The following RCBTB2 variants were observed in gnomAD, a reference collection of about 807,000 sequenced individuals.
RCBTB2 encodes the protein RCC1 and BTB domain containing protein 2.
In RCBTB2, 55 loss-of-function variants were observed where a neutral mutation model predicts 65.4. The observed-to-expected ratio is 0.84, with a 90% CI of 0.68 to 1.05. The LOEUF is 1.05. Among genes scored for constraint, RCBTB2 ranks in the 50% least tolerant of loss-of-function variants. The probability of loss-of-function intolerance (pLI) is 0.00; values close to 1 mark genes in which losing one functional copy is unlikely to be tolerated. For synonymous variants in RCBTB2, 220 were observed against 255.2 expected, an observed-to-expected ratio of 0.86 and a Z score of 1.31; for missense variants, 599 against 680.1, an observed-to-expected ratio of 0.88 and a Z score of 1.33.
At chr13:48,513,024 C>A in intron 6 of RCBTB2, 129 bp from the exon 7 acceptor site, 1 of 664,196 alleles carries the variant, frequency 1.5e-6, no homozygotes, top group African/African-American at 1.8e-5. Flanking sequence ...CTTCCCCATT[C>A]CACCAAAGTC....
At chr13:48,529,904 T>C (rs1229158259) in intron 1 of RCBTB2, among the ~76,000 whole-genome samples, 1 of 152,188 alleles carries the variant, frequency 6.6e-6, no homozygotes, top group Non-Finnish European at 1.5e-5. Flanking sequence ...TATTTATTTA[T>C]TTATGAGATG....
At chr13:48,495,749 CA>C (rs1445768170) in intron 14 of RCBTB2, among the ~76,000 whole-genome samples, 17 of 152,320 alleles carry the variant, frequency 1.1e-4, no homozygotes, top group South Asian at 6.2e-4. Context: ...CCTGCTTTGA[CA>C]GGTGAAAAGT....
intron 4 of RCBTB2, among the ~76,000 whole-genome samples, chr13:48,518,458 C>CAAA (rs58455074): frequency 3.0e-5 from 3 of 98,420 alleles, no homozygotes; most frequent in African/African-American, 1.1e-4. Context: ...GAGTACTTTG[C>CAAA]AAAAAAAAAA....
chr13:48,496,602 G>A (rs1291640853), intron 13 of RCBTB2, among the ~76,000 whole-genome samples: 1 of 151,436 alleles, frequency 6.6e-6, no homozygotes, highest in Non-Finnish European at 1.5e-5. Context: ...AAGCATGTGC[G>A]CCTTGAATGA....
At chr13:48,504,565 C>A (rs1950396681) in intron 10 of RCBTB2, among the ~76,000 whole-genome samples, 1 of 152,234 alleles carries the variant, frequency 6.6e-6, no homozygotes, top group Non-Finnish European at 1.5e-5. Context: ...CCTGTCCACA[C>A]CATTCCAGCC....
intron 10 of RCBTB2, among the ~76,000 whole-genome samples, chr13:48,503,544 A>AT (rs67880636): frequency 0.22 from 32,935 of 148,432 alleles, 3,679 homozygotes; most frequent in South Asian, 0.27. Context: ...TCTCAGAACA[A>AT]TTTTTTTTTT....
At chr13:48,510,562 T>C in intron 10 of RCBTB2, 67 bp downstream of exon 10, 7 of 1,510,240 alleles carry the variant, frequency 4.6e-6, no homozygotes, top group Non-Finnish European at 6.4e-6. Flanking sequence ...ATTCTCTATA[T>C]ATCTAAGTCC....
At chr13:48,534,192 T>A (rs1952319637), upstream of RCBTB2, among the ~76,000 whole-genome samples, 1 of 152,222 alleles carries the variant, frequency 6.6e-6, no homozygotes, top group Non-Finnish European at 1.5e-5. Context: ...TAACAGGAAG[T>A]TGCAGCGATA....
rs147261845 is a variant in RCBTB2, at chr13:48,490,138, T to C, written c.1629A>G (p.Ala543=). The C allele has an allele frequency of 1.2e-6, 2 of 1,614,034 alleles. No individual in the cohort carries two copies. Among genetic ancestry groups the C allele is most frequent in the Admixed American group, 1.7e-5 (1 of 60,002 alleles). Residue 543 remains alanine, a synonymous_variant, in exon 15 of 15, where the codon GCA becomes GCG. Coordinates refer to ENST00000344532, the MANE Select transcript of RCBTB2 (RefSeq NM_001268.4). ...HDLLKNFISK[A]SRVGAFKN Reference sequence around the variant, plus strand: ...AATTTTTAAAGGCTCCAACTCTGCTTGCTTTGCTGATAAAGTTCTTCAGGA... The same window carrying C: ...AATTTTTAAAGGCTCCAACTCTGCTCGCTTTGCTGATAAAGTTCTTCAGGA...
At chr13:48,514,020 G>C (rs1409691403) in intron 6 of RCBTB2, among the ~76,000 whole-genome samples, 1 of 152,168 alleles carries the variant, frequency 6.6e-6, no homozygotes, top group Non-Finnish European at 1.5e-5. Context: ...AAAATGTACT[G>C]TTCACAATGT....
chr13:48,491,325 T>C (rs1273514484), intron 14 of RCBTB2, among the ~76,000 whole-genome samples: 2 of 152,158 alleles, frequency 1.3e-5, no homozygotes, highest in East Asian at 1.9e-4. Flanking sequence ...AGAAAGAAAC[T>C]ATACTAGGAA....
intron 4 of RCBTB2, 76 bp from the exon 5 acceptor site, chr13:48,515,817 A>T: frequency 7.0e-7 from 1 of 1,424,758 alleles, no homozygotes; most frequent in Non-Finnish European, 9.6e-7. Flanking sequence ...TCTGTAGAAG[A>T]GGGCGAACAC....
intron 4 of RCBTB2, among the ~76,000 whole-genome samples, chr13:48,519,810 T>G (rs1951318560): frequency 6.6e-6 from 1 of 152,228 alleles, no homozygotes; most frequent in African/African-American, 2.4e-5. Context: ...ATTTTTAAGT[T>G]TGTTAGGGCA....
chr13:48,496,140 C>T, intron 14 of RCBTB2, 51 bp downstream of exon 14: 1 of 1,408,764 alleles, frequency 7.1e-7, no homozygotes, highest in Non-Finnish European at 9.3e-7. Context: ...AGGCAGACAC[C>T]TGGGTTCCAT....
chr13:48,532,911 G>T (rs938582625), intron 1 of RCBTB2, 117 bp downstream of exon 1: 7 of 446,082 alleles, frequency 1.6e-5, no homozygotes, highest in African/African-American at 6.1e-5. Context: ...TGTCTCTGGC[G>T]GGGAGGTCGG....
intron 13 of RCBTB2, 112 bp from the exon 14 acceptor site, chr13:48,496,433 T>C (rs1949974404): frequency 2.7e-6 from 3 of 1,114,452 alleles, no homozygotes; most frequent in African/African-American, 3.2e-5. Context: ...TAATCCTCAG[T>C]GAAGCACTGC....
chr13:48,499,553 G>A, intron 13 of RCBTB2, 68 bp downstream of exon 13: 1 of 1,524,972 alleles, frequency 6.6e-7, no homozygotes, highest in South Asian at 1.2e-5. Context: ...TTTCTTTTAG[G>A]TTCTATAGAA....
intron 4 of RCBTB2, among the ~76,000 whole-genome samples, chr13:48,521,513 T>C (rs926271307): frequency 1.3e-4 from 20 of 152,228 alleles, no homozygotes; most frequent in African/African-American, 4.6e-4. Context: ...AGAATGTCTA[T>C]GATGAATTGA....
intron 10 of RCBTB2, among the ~76,000 whole-genome samples, chr13:48,508,695 G>A (rs1234888190): frequency 6.6e-6 from 1 of 152,144 alleles, no homozygotes; most frequent in African/African-American, 2.4e-5. Flanking sequence ...TGAGTGCCTG[G>A]CCCATCCATG....
Sources: gnomAD v4.1 joint callset for allele counts (sites outside exome capture counted in the v4.1 genomes callset) on GRCh38, gnomAD v4.1.1 for gene constraint, MANE v1.5 for transcripts, NCBI Gene and HGNC (gene_info 2026-07-23, HGNC 2026-07-21) for gene names.